CADM2: variants seen among roughly 807,000 people sequenced by gnomAD.
CADM2 encodes the protein immunoglobulin superfamily member 4D.
In CADM2, 12 loss-of-function variants were observed where a neutral mutation model predicts 49.8. That is an observed-to-expected ratio of 0.24 (90% CI 0.15 to 0.39). The LOEUF is 0.39. CADM2 is among the 10% of genes least tolerant of loss of function. CADM2 has a pLI of 1.00. For missense variants in CADM2, 378 were observed against 492.3 expected (o/e 0.77, Z 2.20); for synonymous variants, 214 against 175.4 (o/e 1.22, Z -1.74).
At chr3:86,052,226 A>C (rs2107329412) in intron 8 of CADM2, among the ~76,000 whole-genome samples, 1 of 152,300 alleles carries the variant, frequency 6.6e-6, no homozygotes, top group African/African-American at 2.4e-5. Context: ...ATCTATGAAA[A>C]ACACAGTCTG....
At chr3:85,969,620 A>G (rs1725863339) in intron 8 of CADM2, among the ~76,000 whole-genome samples, 1 of 151,234 alleles carries the variant, frequency 6.6e-6, no homozygotes, top group Non-Finnish European at 1.5e-5. Flanking sequence ...TTGTGTGTCT[A>G]TATATACATA....
chr3:85,199,360 TGTGTGTGTATGAGAGAGA>T (rs1377555649), intron 1 of CADM2, among the ~76,000 whole-genome samples: 2 of 123,024 alleles, frequency 1.6e-5, no homozygotes, highest in Non-Finnish European at 3.2e-5. Context: ...TGTGTGTGTG[TGTGTGTGTATGAGAGAGA>T]GAGAGAGAGA....
At chr3:85,727,408 A>G (rs1407706976) in intron 2 of CADM2, among the ~76,000 whole-genome samples, 2 of 152,058 alleles carry the variant, frequency 1.3e-5, no homozygotes, top group African/African-American at 4.8e-5. Context: ...ATAGCAATGT[A>G]TTTGCTTATA....
rs572114804 is a variant in CADM2 at position 85,019,811 on chromosome 3, G to A, written c.61+60143G>A. On this transcript the variant is annotated intron_variant, in intron 1 of 9. Transcript: ENST00000383699. Reference sequence around the variant, plus strand: ...ATCACTAAGAGAACAGTGTTGTGAAGCAGGGAAAATACTCCAATTACAAGT... The same window carrying A: ...ATCACTAAGAGAACAGTGTTGTGAAACAGGGAAAATACTCCAATTACAAGT... Among the ~76,000 whole-genome samples the A allele has an allele frequency of 3.3e-5, 5 of 152,188 alleles. No individual in the cohort carries two copies. In the East Asian group the frequency reaches 9.7e-4, roughly 30 times the overall value.
At chr3:85,334,136 TATAGCAGAAA>T (rs1168207986) in intron 1 of CADM2, among the ~76,000 whole-genome samples, 1 of 151,620 alleles carries the variant, frequency 6.6e-6, no homozygotes, top group African/African-American at 2.4e-5. Context: ...TTTCTGCTAC[TATAGCAGAAA>T]ACCTTTTATG....
chr3:85,376,037 G>A (rs541867573), intron 1 of CADM2, among the ~76,000 whole-genome samples: 13 of 152,080 alleles, frequency 8.5e-5, no homozygotes, highest in African/African-American at 3.1e-4. Flanking sequence ...AATCTTTACA[G>A]CAACAATATG....
At chr3:85,395,212 C>T (rs2034715978) in intron 1 of CADM2, among the ~76,000 whole-genome samples, 1 of 144,160 alleles carries the variant, frequency 6.9e-6, no homozygotes, top group Non-Finnish European at 1.5e-5. Flanking sequence ...GCTGGAGGAT[C>T]ACATGAGCCT....
At chr3:85,681,532 A>G (rs1463571421) in intron 1 of CADM2, among the ~76,000 whole-genome samples, 3 of 152,056 alleles carry the variant, frequency 2.0e-5, no homozygotes, top group African/African-American at 4.8e-5. Flanking sequence ...TAAGTCATAT[A>G]TATGTGAATG....
At chr3:86,050,321 C>G (rs1024893209) in intron 8 of CADM2, among the ~76,000 whole-genome samples, 1 of 152,212 alleles carries the variant, frequency 6.6e-6, no homozygotes, top group Non-Finnish European at 1.5e-5. Flanking sequence ...CCTCGAGCAG[C>G]TCCATTCCTG....
At chr3:85,835,921 T>C (rs2074390609) in intron 3 of CADM2, among the ~76,000 whole-genome samples, 1 of 151,206 alleles carries the variant, frequency 6.6e-6, no homozygotes, top group South Asian at 2.1e-4. Context: ...AAAGTCACCA[T>C]ATTTCTAGTT....
intron 1 of CADM2, among the ~76,000 whole-genome samples, chr3:85,013,768 G>GTA (rs377163369): frequency 0.012 from 1,758 of 146,832 alleles, 14 homozygotes; most frequent in Non-Finnish European, 0.017. Flanking sequence ...CCAAAAATAA[G>GTA]TATATATATA....
chr3:85,407,226 G>A (rs577973671), intron 1 of CADM2, among the ~76,000 whole-genome samples: 2 of 151,956 alleles, frequency 1.3e-5, no homozygotes, highest in South Asian at 2.1e-4. Context: ...ATGAGATTAT[G>A]TCATGCCCTC....
At chr3:85,117,870 T>G (rs1274678393) in intron 1 of CADM2, among the ~76,000 whole-genome samples, 1 of 152,154 alleles carries the variant, frequency 6.6e-6, no homozygotes, top group Non-Finnish European at 1.5e-5. Flanking sequence ...AGGAGTTTTA[T>G]TTATATTTTC....
At chr3:85,228,987 C>T (rs2042223346) in intron 1 of CADM2, among the ~76,000 whole-genome samples, 6 of 152,192 alleles carry the variant, frequency 3.9e-5, no homozygotes, top group Admixed American at 3.9e-4. Context: ...CTGACTGGGT[C>T]TGCTGCCTTT....
chr3:85,412,642 A>G (rs919315460), intron 1 of CADM2, among the ~76,000 whole-genome samples: 1 of 152,096 alleles, frequency 6.6e-6, no homozygotes, highest in Non-Finnish European at 1.5e-5. Flanking sequence ...GTGGAGCGCT[A>G]ATAAAGATTA....
At chr3:85,822,152 A>T (rs2073618673) in intron 3 of CADM2, among the ~76,000 whole-genome samples, 1 of 152,212 alleles carries the variant, frequency 6.6e-6, no homozygotes, top group South Asian at 2.1e-4. Context: ...TGCTGGGAAT[A>T]ATGTATAATC....
At chr3:85,583,346 A>G (rs1023337915) in intron 1 of CADM2, among the ~76,000 whole-genome samples, 2 of 152,096 alleles carry the variant, frequency 1.3e-5, no homozygotes, top group Non-Finnish European at 2.9e-5. Context: ...ACTTCACCAT[A>G]TTCACACTGT....
intron 1 of CADM2, among the ~76,000 whole-genome samples, chr3:85,383,502 C>CTATATATA (rs1559811869): frequency 2.1e-5 from 2 of 97,066 alleles, no homozygotes; most frequent in Non-Finnish European, 4.1e-5. Context: ...ATACATAAAA[C>CTATATATA]CATATATATA....
intron 1 of CADM2, among the ~76,000 whole-genome samples, chr3:85,421,888 A>G (rs908943641): frequency 2.6e-5 from 4 of 152,236 alleles, no homozygotes; most frequent in Non-Finnish European, 4.4e-5. Context: ...CGTTTTATCT[A>G]TTTCTTGACA....
Sources: allele counts gnomAD v4.1 joint callset (sites outside exome capture counted in the v4.1 genomes callset), GRCh38; gene constraint gnomAD v4.1.1; transcripts MANE v1.5; gene names NCBI Gene and HGNC (gene_info 2026-07-23, HGNC 2026-07-21).